The following VWA5B1 variants were observed in gnomAD, a reference collection of about 807,000 sequenced individuals.
The protein encoded by VWA5B1 is von Willebrand factor A domain containing 5B1.
In VWA5B1, 115 loss-of-function variants were observed where a neutral mutation model predicts 118.2. The observed-to-expected ratio is 0.97, with a 90% CI of 0.84 to 1.14. The LOEUF is 1.14. VWA5B1 is among the 50% of genes most tolerant of loss of function. VWA5B1 has a pLI of 0.00. For missense variants in VWA5B1, 1,596 were observed against 1,603.8 expected (o/e 1.00, Z 0.08); for synonymous variants, 682 against 658.4 (o/e 1.04, Z -0.55).
rs1279768994 is a variant in VWA5B1 at position 20,354,146 on chromosome 1, C to T, written c.3531C>T (p.Pro1177=). ...CATGGCTGGAGCAGCAGGAAGTACCCGAGGGCCGCACGCAGGGCACACTCA... is the reference window on the plus strand; with the variant it reads ...CATGGCTGGAGCAGCAGGAAGTACCTGAGGGCCGCACGCAGGGCACACTCA... ...ANSWLEQQEV[P]EGRTQGTLKA... is the part of the protein sequence containing the mutation. Residue 1177 remains proline (P), a synonymous_variant, in exon 22 of 22, where the codon CCC becomes CCT. Transcript: ENST00000289815. 5.2e-6 allele frequency: 8 copies of T among 1,551,252 alleles called. No homozygotes were observed. The highest frequency in any genetic ancestry group is 3.3e-4 in the Middle Eastern group (2 of 6,014).
In VWA5B1 at chr1:20,342,507, C is replaced by T; in HGVS notation, c.2209C>T (p.Leu737=). Reference sequence around the variant, plus strand: ...CCCAGGGGCCCGAAGGCCCTCTCTGCTGCCCCAAGGCTGCCAGCCCTTCCT... The same window carrying T: ...CCCAGGGGCCCGAAGGCCCTCTCTGTTGCCCCAAGGCTGCCAGCCCTTCCT... ...RGPGARRPSL[L]PQGCQPFLPW... The change falls in exon 15 of 22, where the codon CTG becomes TTG. Residue 737 remains leucine (L), a synonymous_variant. Transcript: ENST00000289815. 6.4e-7 allele frequency: 1 copy of T among 1,551,136 alleles called. No individual in the cohort carries two copies. Among genetic ancestry groups the T allele is most frequent in the Non-Finnish European group, 8.7e-7 (1 of 1,146,820 alleles).
chr1:20,319,389 T>A lies in VWA5B1; in HGVS notation c.849T>A (p.His283Gln). 6.4e-7 allele frequency: 1 copy of A among 1,551,714 alleles called. No homozygotes were observed. The highest frequency in any genetic ancestry group is 8.7e-7 in the Non-Finnish European group (1 of 1,146,984). The change falls in exon 7 of 22, where the codon CAT becomes CAA. Residue 283 changes from histidine to glutamine, a missense_variant. Transcript: ENST00000289815. ...VEILIHPSEP[H>Q]MPHVLIEKGD... ...TCGATCTCATCTCTGCAGAGCCCCA[T>A]ATGCCCCATGTCCTGATAGAGAAAG...
rs557719259 is a variant in VWA5B1 at position 20,344,787 on chromosome 1, C to T, written c.2627-669C>T. Among the ~76,000 whole-genome samples, 5 of 152,124 alleles carry T rather than the reference C, an allele frequency of 3.3e-5. No homozygotes were observed. The East Asian group carries it at 9.6e-4, about 29-fold the overall frequency. On this transcript the variant is annotated intron_variant, in intron 16 of 21. Transcript: ENST00000289815. ...ATTTTACTTGTATTTTTGTATTGTACGTGTTACTTTTTTTCTTCCCATGAG... is the reference window on the plus strand; with the variant it reads ...ATTTTACTTGTATTTTTGTATTGTATGTGTTACTTTTTTTCTTCCCATGAG...
chr1:20,330,056 T>G, intron 9 of VWA5B1, 124 bp from the exon 10 acceptor site: 1 of 1,097,998 alleles, frequency 9.1e-7, no homozygotes, highest in Non-Finnish European at 1.3e-6. Flanking sequence ...AGGGATGAAA[T>G]TGGGAGCATG....
Position 20,354,321 on chromosome 1 carries a change from C to T in VWA5B1, c.*58C>T. 6.8e-7 allele frequency: 1 copy of T among 1,479,646 alleles called. No homozygotes were observed. The highest frequency in any genetic ancestry group is 2.2e-5 in the Admixed American group (1 of 44,716). The allele number at this position is 1,479,646 out of a possible 1,614,324, so 91.7% of individuals were successfully genotyped here. On this transcript the variant is annotated 3_prime_UTR_variant, in exon 22 of 22. Coordinates refer to ENST00000289815, the MANE Select transcript of VWA5B1 (RefSeq NM_001039500.3). ...GTGGGGAGGAGAGGGATGGGCAGGG[C>T]CATGTCGGCCTGGTTTCGGGGAGCT... is the stretch of plus-strand genomic sequence containing the variant.
Position 20,348,290 on chromosome 1 carries a change from G to T in VWA5B1, c.2810G>T (p.Trp937Leu), listed in dbSNP as rs2090050772. The T allele has an allele frequency of 6.4e-7, 1 of 1,551,560 alleles. No individual in the cohort carries two copies. Among genetic ancestry groups the T allele is most frequent in the African/African-American group, 1.4e-5 (1 of 73,054 alleles). Residue 937 changes from tryptophan (W) to leucine (L), a missense_variant, in exon 18 of 22, where the codon TGG (tryptophan) becomes TTG (leucine). By Grantham distance (61) the Trp-to-Leu change is moderately conservative. Coordinates refer to ENST00000289815, the MANE Select transcript of VWA5B1 (RefSeq NM_001039500.3). ...GGCTCTCGGGCCCTGGCCCAACAGT[G>T]GAGGGGCACCTCTTCTGGCTTTGGA... ...MLGSRALAQQ[W>L]RGTSSGFGRP...
intron 10 of VWA5B1, among the ~76,000 whole-genome samples, chr1:20,330,645 C>T (rs1186494239): frequency 1.3e-5 from 2 of 152,216 alleles, no homozygotes; most frequent in African/African-American, 4.8e-5. Flanking sequence ...GGAGAGGCTG[C>T]TCCCGCTCTG....
At chr1:20,348,208 G>T (rs1466339228) in intron 17 of VWA5B1, 37 bp from the exon 18 acceptor site, 2 of 1,538,080 alleles carry the variant, frequency 1.3e-6, no homozygotes, top group Admixed American at 3.9e-5. Context: ...TGGCACATTT[G>T]TACCCAACCA....
chr1:20,336,400 A>G lies in VWA5B1; in HGVS notation c.1856A>G (p.Asp619Gly). ...GACGGACCCGGGCTGGAAGGTGGAGACTGTGCCAAGAACTCGGGGGCACCC... is the reference window on the plus strand; with the variant it reads ...GACGGACCCGGGCTGGAAGGTGGAGGCTGTGCCAAGAACTCGGGGGCACCC... Reference protein sequence around the residue: ...QDDGPGLEGGDCAKNSGAPFI... With the variant: ...QDDGPGLEGGGCAKNSGAPFI... The change falls in exon 13 of 22, where the codon GAC becomes GGC. Residue 619 changes from aspartate (D) to glycine (G), a missense_variant. Coordinates refer to ENST00000289815, the MANE Select transcript of VWA5B1 (RefSeq NM_001039500.3). 1 of 1,528,940 alleles carries G rather than the reference A, an allele frequency of 6.5e-7. No individual in the cohort carries two copies. Among genetic ancestry groups the G allele is most frequent in the South Asian group, 1.3e-5 (1 of 78,096 alleles). 94.7% of individuals were successfully genotyped at this position (1,528,940 alleles called of 1,614,324 possible).
Position 20,348,124 on chromosome 1 carries a change from C to T in VWA5B1, c.2765-121C>T, listed in dbSNP as rs544568464. The T allele has an allele frequency of 1.8e-4, 172 of 959,654 alleles. No individual in the cohort carries two copies. The African/African-American group carries it at 2.6e-3, about 15-fold the overall frequency. 59.4% of individuals were successfully genotyped at this position (959,654 alleles called of 1,614,324 possible). A position where few individuals can be genotyped will look rare whatever the true frequency, so the allele number is the denominator to read the frequency against. ...GCTTATGGTCTTACCCTGTACAACA[C>T]CTTCCTGCCTTTGGATAATTGAAAG... On this transcript the variant is annotated intron_variant, in intron 17 of 21. Coordinates refer to ENST00000289815, the MANE Select transcript of VWA5B1 (RefSeq NM_001039500.3).
intron 1 of VWA5B1, among the ~76,000 whole-genome samples, chr1:20,300,279 C>T (rs763391187): frequency 2.0e-5 from 3 of 152,120 alleles, no homozygotes; most frequent in Non-Finnish European, 2.9e-5. Flanking sequence ...TTCAACTGGG[C>T]GGGGTGCATG....
Position 20,330,304 on chromosome 1 carries a change from T to A in VWA5B1, c.1379T>A (p.Leu460His), listed in dbSNP as rs1339964785. The change falls in exon 10 of 22, where the codon CTC becomes CAC. Residue 460 changes from leucine (L) to histidine (H), a missense_variant. Physicochemically the swap from Leu to His is moderately conservative, Grantham distance 99. Coordinates refer to ENST00000289815, the MANE Select transcript of VWA5B1 (RefSeq NM_001039500.3). ...QPVHRGHPRL[L>H]FVITDGAVNN... ...GTGCACCGAGGCCACCCGCGGCTCC[T>A]CTTCGTGATCACAGATGGCGCTGTC... 1.9e-6 allele frequency: 3 copies of A among 1,551,820 alleles called. No individual in the cohort carries two copies. The East Asian group carries it at 7.3e-5, about 38-fold the overall frequency.
chr1:20,352,157 C>T lies in VWA5B1; in HGVS notation c.3126C>T (p.Phe1042=), dbSNP rs924342168. ...AVESTSGNQS[F]DYIPLVSLQL... ...AGTCGACCTCCGGGAACCAGAGCTT[C>T]GACTACATACCTCTGGTGAGTGCCC... The change falls in exon 21 of 22, where the codon TTC becomes TTT. Residue 1042 remains phenylalanine, a synonymous_variant. Coordinates refer to ENST00000289815, the MANE Select transcript of VWA5B1 (RefSeq NM_001039500.3). 13 of 1,551,004 alleles carry T rather than the reference C, an allele frequency of 8.4e-6. No individual in the cohort carries two copies. In the South Asian group the frequency reaches 9.5e-5, roughly 11 times the overall value.
intron 4 of VWA5B1, among the ~76,000 whole-genome samples, chr1:20,316,840 C>G (rs1001733088): frequency 2.6e-5 from 4 of 152,166 alleles, no homozygotes; most frequent in Admixed American, 2.6e-4. Context: ...GCAGTACAAA[C>G]TCTTTCACCA....
chr1:20,343,892 C>T (rs1213198511), intron 16 of VWA5B1, among the ~76,000 whole-genome samples: 1 of 111,506 alleles, frequency 9.0e-6, no homozygotes, highest in Admixed American at 9.3e-5. Flanking sequence ...CCTCCCCATT[C>T]TGCTCAGTGC....
At chr1:20,315,432 C>T (rs1171194197) in intron 4 of VWA5B1, among the ~76,000 whole-genome samples, 2 of 152,308 alleles carry the variant, frequency 1.3e-5, no homozygotes, top group East Asian at 3.9e-4. Context: ...TCTGTCCTCC[C>T]CTGGTGTACA....
At chr1:20,300,448 C>T (rs1049538004) in intron 1 of VWA5B1, among the ~76,000 whole-genome samples, 4 of 152,050 alleles carry the variant, frequency 2.6e-5, no homozygotes, top group African/African-American at 4.8e-5. Flanking sequence ...AGAGGGACCC[C>T]GTGGGAAGGA....
chr1:20,299,142 CAA>C (rs1263104281), intron 1 of VWA5B1, among the ~76,000 whole-genome samples: 1 of 152,308 alleles, frequency 6.6e-6, no homozygotes, highest in East Asian at 1.9e-4. Flanking sequence ...GGAGTTTGTG[CAA>C]AGTGTCGGGA....
rs980098167 is a variant in VWA5B1 at position 20,337,645 on chromosome 1, G to C, written c.1943-1G>C. On this transcript the variant is annotated splice_acceptor_variant, in intron 13 of 21. Transcript: ENST00000289815. LOFTEE classifies it high-confidence loss of function. ...GGTTCCCCATCACTATCCCTGTCCAGATCTGAACCTCTCTCAGCGACGGAG... is the reference window on the plus strand; with the variant it reads ...GGTTCCCCATCACTATCCCTGTCCACATCTGAACCTCTCTCAGCGACGGAG... 1.5e-5 allele frequency: 24 copies of C among 1,550,782 alleles called. No homozygotes were observed. Among genetic ancestry groups the C allele is most frequent in the Admixed American group, 9.8e-5 (5 of 50,890 alleles).
Sources: allele counts gnomAD v4.1 joint callset (sites outside exome capture counted in the v4.1 genomes callset), GRCh38; gene constraint gnomAD v4.1.1; transcripts MANE v1.5; gene names NCBI Gene and HGNC (gene_info 2026-07-23, HGNC 2026-07-21).